Variants in KCNIP4 observed in about 807,000 individuals in gnomAD.
KCNIP4 encodes the protein Kv channel-interacting protein 4.
KCNIP4 carries 12 observed loss-of-function variants against 34.0 expected under a neutral mutation model. The observed-to-expected ratio is 0.35, with a 90% CI of 0.23 to 0.57. KCNIP4 has a LOEUF of 0.57. Among genes scored for constraint, KCNIP4 ranks in the 20% least tolerant of loss-of-function variants. KCNIP4 has a pLI of 0.83. For synonymous variants in KCNIP4, 124 were observed against 102.2 expected, an observed-to-expected ratio of 1.21 and a Z score of -1.29; for missense variants, 238 against 311.7, an observed-to-expected ratio of 0.76 and a Z score of 1.78.
At chr4:21,598,777 C>T (rs1742859979) in intron 1 of KCNIP4, among the ~76,000 whole-genome samples, 1 of 152,056 alleles carries the variant, frequency 6.6e-6, no homozygotes, top group South Asian at 2.1e-4. Flanking sequence ...CTTTTGCATT[C>T]ATGCACCAGT....
intron 1 of KCNIP4, among the ~76,000 whole-genome samples, chr4:21,176,383 G>T (rs1171187205): frequency 2.0e-5 from 3 of 152,142 alleles, no homozygotes; most frequent in Admixed American, 2.0e-4. Context: ...CCACAATCAT[G>T]CATGCTTAAT....
At chr4:21,542,019 C>G (rs1221600967) in intron 1 of KCNIP4, among the ~76,000 whole-genome samples, 1 of 152,182 alleles carries the variant, frequency 6.6e-6, no homozygotes, top group Non-Finnish European at 1.5e-5. Flanking sequence ...TACAAGTTTT[C>G]TATGGCACGC....
At chr4:21,303,924 T>A in intron 1 of KCNIP4, 1 of 1,613,672 alleles carries the variant, frequency 6.2e-7, no homozygotes. Flanking sequence ...TAGGTCATGG[T>A]CCGACCACAG....
chr4:21,432,071 T>C (rs1302850235), intron 1 of KCNIP4, among the ~76,000 whole-genome samples: 3 of 123,496 alleles, frequency 2.4e-5, no homozygotes, highest in African/African-American at 8.9e-5. Context: ...CATAGTGTAT[T>C]CAATGTGTGA....
chr4:21,707,885 CCCAATATT>C (rs895330596), intron 1 of KCNIP4, among the ~76,000 whole-genome samples: 4 of 151,144 alleles, frequency 2.6e-5, no homozygotes, highest in African/African-American at 9.7e-5. Flanking sequence ...TGTCCTCAAG[CCCAATATT>C]CCATAAAATT....
chr4:20,906,759 C>T (rs1214801671), intron 1 of KCNIP4, among the ~76,000 whole-genome samples: 3 of 152,186 alleles, frequency 2.0e-5, no homozygotes, highest in African/African-American at 7.2e-5. Context: ...CCTACACATC[C>T]TTCCATTCCA....
intron 1 of KCNIP4, among the ~76,000 whole-genome samples, chr4:21,374,719 A>G (rs920809003): frequency 1.4e-5 from 2 of 147,624 alleles, no homozygotes; most frequent in Non-Finnish European, 2.9e-5. Flanking sequence ...CTTATATAAA[A>G]TGAAGGATCA....
At chr4:21,248,901 A>T (rs530721778) in intron 1 of KCNIP4, among the ~76,000 whole-genome samples, 26 of 152,304 alleles carry the variant, frequency 1.7e-4, no homozygotes, top group African/African-American at 5.8e-4. Context: ...AAATCTGGAT[A>T]CCTTAATTTT....
chr4:21,757,243 GAAAGAAAAGAAAAGAAAAGA>G lies in KCNIP4; in HGVS notation c.61+191308_61+191327del, dbSNP rs145596310. On this transcript the variant is annotated intron_variant, in intron 1 of 8. Transcript: ENST00000382152. The stretch of plus-strand genomic sequence containing the variant: ...AGAAAGAAAGAAAGAAAGAAAGAAA[GAAAGAAAAGAAAAGAAAAGA>G]AAAGAAAAGAAAAGAAAAGAAAAGA... Among the ~76,000 whole-genome samples the G allele has an allele frequency of 2.3e-4, 6 of 26,492 alleles. 1 individual carries two copies. Among genetic ancestry groups the G allele is most frequent in the African/African-American group, 9.0e-4 (4 of 4,422 alleles). 17.4% of individuals were successfully genotyped at this position (26,492 alleles called of 152,430 possible).
At chr4:20,827,319 G>C (rs1023100021) in intron 3 of KCNIP4, among the ~76,000 whole-genome samples, 2 of 152,106 alleles carry the variant, frequency 1.3e-5, no homozygotes, top group Non-Finnish European at 2.9e-5. Flanking sequence ...GGCATGGACG[G>C]GATTGCTTTT....
intron 1 of KCNIP4, among the ~76,000 whole-genome samples, chr4:21,944,776 T>C (rs1369705194): frequency 6.6e-6 from 1 of 152,168 alleles, no homozygotes; most frequent in East Asian, 1.9e-4. Flanking sequence ...GTAAACAGCA[T>C]GAAACATCCC....
chr4:20,741,701 G>T lies in KCNIP4; in HGVS notation c.430-6966C>A, dbSNP rs189444784. Among the ~76,000 whole-genome samples the T allele has an allele frequency of 8.3e-3, 1,257 of 152,160 alleles. 14 individuals are homozygous for T. Among genetic ancestry groups the T allele is most frequent in the African/African-American group, 0.028 (1,168 of 41,502 alleles). On this transcript the variant is annotated intron_variant, in intron 5 of 8. Transcript: ENST00000382152. The stretch of plus-strand genomic sequence containing the variant: ...AAACACATTCAAAAGCTAGCAGAAG[G>T]CAAGAAATAACTAAGAGCAGAGCAG...
chr4:21,672,565 T>G (rs1024845909), intron 1 of KCNIP4, among the ~76,000 whole-genome samples: 1 of 152,218 alleles, frequency 6.6e-6, no homozygotes, highest in Non-Finnish European at 1.5e-5. Flanking sequence ...TATTTTTCAT[T>G]GGCCAAGCAT....
At chr4:20,939,640 G>A (rs1488262475) in intron 1 of KCNIP4, among the ~76,000 whole-genome samples, 1 of 152,030 alleles carries the variant, frequency 6.6e-6, no homozygotes, top group Non-Finnish European at 1.5e-5. Flanking sequence ...CTAAAGTGCT[G>A]GGATTACAGG....
At chr4:21,794,824 A>T (rs1177562308) in intron 1 of KCNIP4, among the ~76,000 whole-genome samples, 1 of 152,160 alleles carries the variant, frequency 6.6e-6, no homozygotes, top group East Asian at 1.9e-4. Flanking sequence ...GGTTGCAGTG[A>T]GCTGAGATCA....
chr4:21,646,547 C>CT (rs140613931), intron 1 of KCNIP4, among the ~76,000 whole-genome samples: 12 of 151,664 alleles, frequency 7.9e-5, no homozygotes, highest in Non-Finnish European at 1.6e-4. Context: ...ATCAGATGTT[C>CT]TTTTTTTTTC....
At chr4:21,542,041 T>C (rs1737746090) in intron 1 of KCNIP4, among the ~76,000 whole-genome samples, 1 of 152,202 alleles carries the variant, frequency 6.6e-6, no homozygotes, top group African/African-American at 2.4e-5. Context: ...TTCTTTCATA[T>C]CTTTTAGACT....
intron 1 of KCNIP4, among the ~76,000 whole-genome samples, chr4:21,197,830 G>A (rs1215478454): frequency 1.3e-5 from 2 of 152,062 alleles, no homozygotes; most frequent in African/African-American, 4.8e-5. Context: ...ATTATTTACA[G>A]TTCTAGGAAT....
intron 1 of KCNIP4, among the ~76,000 whole-genome samples, chr4:21,055,070 A>C (rs942260517): frequency 2.0e-5 from 3 of 152,196 alleles, no homozygotes; most frequent in African/African-American, 7.2e-5. Context: ...ACTCAACAGT[A>C]AGAAAAAAAC....
Sources: allele counts gnomAD v4.1 joint callset (sites outside exome capture counted in the v4.1 genomes callset), GRCh38; gene constraint gnomAD v4.1.1; transcripts MANE v1.5; gene names NCBI Gene and HGNC (gene_info 2026-07-23, HGNC 2026-07-21).